Variants in PCDHGA7 observed in about 807,000 individuals in gnomAD.
The protein encoded by PCDHGA7 is protocadherin gamma-A7.
In PCDHGA7, 44 loss-of-function variants were observed where a neutral mutation model predicts 58.3. The ratio of observed to expected loss-of-function variants is 0.75; its 90% CI spans 0.59 to 0.97. The LOEUF is 0.97. PCDHGA7 is among the 50% of genes least tolerant of loss of function. The probability of loss-of-function intolerance (pLI) is 0.00; values close to 1 mark genes in which losing one functional copy is unlikely to be tolerated. For missense variants in PCDHGA7, 1,266 were observed against 1,188.7 expected, an observed-to-expected ratio of 1.06 and a Z score of -0.96; for synonymous variants, 516 against 504.2, an observed-to-expected ratio of 1.02 and a Z score of -0.31.
rs143530538 is a variant in PCDHGA7 at position 141,490,323 on chromosome 5, G to A, written c.2425-4484G>A. 18 of 1,614,102 alleles carry A rather than the reference G, an allele frequency of 1.1e-5. No individual in the cohort carries two copies. Among genetic ancestry groups the A allele is most frequent in the Non-Finnish European group, 1.4e-5 (17 of 1,180,056 alleles). ...CCTCTTTGGCCAACCCTGTCCTAGA[G>A]AGCACACCAGTGGGCACAGTAGTGG... On this transcript the variant is annotated intron_variant, in intron 1 of 3. Transcript: ENST00000518325. This position sits in a 1 kb window ranked among gnomAD's most constrained non-coding sequence, Gnocchi z 5.4.
Position 141,394,139 on chromosome 5 carries a change from G to A in PCDHGA7, c.2424+8816G>A, listed in dbSNP as rs780148099. 1.7e-5 allele frequency: 27 copies of A among 1,613,788 alleles called. No individual in the cohort carries two copies. The African/African-American group carries it at 3.5e-4, about 21-fold the overall frequency. On this transcript the variant is annotated intron_variant, in intron 1 of 3. Coordinates refer to ENST00000518325, the MANE Select transcript of PCDHGA7 (RefSeq NM_018920.4). ...CTGAAACTCAAATCGCTCTGCACGTGGCAGACATTAACGACAACCCTCCTA... is the reference window on the plus strand; with the variant it reads ...CTGAAACTCAAATCGCTCTGCACGTAGCAGACATTAACGACAACCCTCCTA...
intron 3 of PCDHGA7, 87 bp from the exon 4 acceptor site, chr5:141,510,854 TGTATAG>T: frequency 6.2e-7 from 1 of 1,602,320 alleles, no homozygotes; most frequent in Non-Finnish European, 8.5e-7. Flanking sequence ...CCCAGGGTGC[TGTATAG>T]GCATTCATTA....
chr5:141,387,763 A>T, intron 1 of PCDHGA7: 2 of 1,425,584 alleles, frequency 1.4e-6, no homozygotes, highest in South Asian at 1.5e-5. Context: ...GAAAAAGAAG[A>T]ATTTTTTCTT....
chr5:141,413,198 C>G, intron 1 of PCDHGA7: 1 of 1,611,416 alleles, frequency 6.2e-7, no homozygotes, highest in Non-Finnish European at 8.5e-7. Context: ...AGGAATCGCT[C>G]AAAGGAATCA....
rs755270981 is a variant in PCDHGA7, at chr5:141,408,462, AGAACC to A, written c.2424+23143_2424+23147del. On this transcript the variant is annotated intron_variant, in intron 1 of 3. Coordinates refer to ENST00000518325, the MANE Select transcript of PCDHGA7 (RefSeq NM_018920.4). Reference sequence around the variant, plus strand: ...GCGGAGAGCGGGGACTTACTTGTGAAGAACCGAATAGACCGTGAGCAAATATGCAA... The same window carrying A: ...GCGGAGAGCGGGGACTTACTTGTGAAGAATAGACCGTGAGCAAATATGCAA... 2.2e-5 allele frequency: 35 copies of A among 1,613,962 alleles called. No homozygotes were observed. The South Asian group carries it at 3.3e-4, about 15-fold the overall frequency.
chr5:141,502,028 G>A (rs561260963), intron 2 of PCDHGA7, among the ~76,000 whole-genome samples: 62 of 152,150 alleles, frequency 4.1e-4, no homozygotes, highest in African/African-American at 1.5e-3. Flanking sequence ...TGCAACCCCC[G>A]CCGCTTGCCT....
rs1561601309 is a variant in PCDHGA7 at position 141,384,261 on chromosome 5, C to G, written c.1362C>G (p.His454Gln). ...DTNDNPPTFPHSSYSVYIAEN... is the reference protein window; with the variant it reads ...DTNDNPPTFPQSSYSVYIAEN... ...ACGATAACCCACCCACCTTCCCCCA[C>G]TCATCCTACTCAGTCTACATCGCTG... The change falls in exon 1 of 4, where the codon CAC (histidine) becomes CAG (glutamine). Residue 454 changes from histidine (H) to glutamine (Q), a missense_variant. Coordinates refer to ENST00000518325, the MANE Select transcript of PCDHGA7 (RefSeq NM_018920.4). 6.2e-7 allele frequency: 1 copy of G among 1,613,910 alleles called. No homozygotes were observed. Among genetic ancestry groups the G allele is most frequent in the East Asian group, 2.2e-5 (1 of 44,882 alleles).
At chr5:141,457,111 G>T (rs922281700) in intron 1 of PCDHGA7, among the ~76,000 whole-genome samples, 1 of 152,120 alleles carries the variant, frequency 6.6e-6, no homozygotes, top group African/African-American at 2.4e-5. Context: ...AGCAAAATAC[G>T]ACAGCAATGG....
intron 1 of PCDHGA7, chr5:141,393,008 T>C: frequency 1.2e-6 from 2 of 1,613,876 alleles, no homozygotes. Flanking sequence ...ACGGAGTCCG[T>C]ATCGTCTCCA....
intron 2 of PCDHGA7, among the ~76,000 whole-genome samples, chr5:141,499,010 AAGG>A (rs2099788390): frequency 6.6e-6 from 1 of 151,098 alleles, no homozygotes; most frequent in Non-Finnish European, 1.5e-5. Context: ...GGAAGGAAGG[AAGG>A]AAGGAAGGAA....
Position 141,414,954 on chromosome 5 carries a change from C to T in PCDHGA7, c.2424+29631C>T, listed in dbSNP as rs759955017. ...CCGCAGAGCCCGGCTACCTGGTGAC[C>T]AAGGTGGTGGCGGTGGACAGAGACT... On this transcript the variant is annotated intron_variant, in intron 1 of 3. Coordinates refer to ENST00000518325, the MANE Select transcript of PCDHGA7 (RefSeq NM_018920.4). 10 of 1,614,058 alleles carry T rather than the reference C, an allele frequency of 6.2e-6. No individual in the cohort carries two copies. The Admixed American group carries it at 1.7e-4, about 27-fold the overall frequency.
At chr5:141,462,651 CA>C (rs60282352) in intron 1 of PCDHGA7, among the ~76,000 whole-genome samples, 42,411 of 152,004 alleles carry the variant, frequency 0.28, 6,634 homozygotes, top group African/African-American at 0.43. Flanking sequence ...TTTCCATCCT[CA>C]ATTATCTTCA....
Position 141,432,593 on chromosome 5 carries a change from A to G in PCDHGA7, c.2424+47270A>G, listed in dbSNP as rs2097518945. ...GCTGTCCTACCGTCTGCTCAAGGCC[A>G]GCGAGCCGGGACTCTTCTCGGTGGG... On this transcript the variant is annotated intron_variant, in intron 1 of 3. Transcript: ENST00000518325. The surrounding 1 kb of genome is among the most constrained non-coding windows in gnomAD (Gnocchi z 6.0). 6.2e-7 allele frequency: 1 copy of G among 1,612,958 alleles called. No individual in the cohort carries two copies. Among genetic ancestry groups the G allele is most frequent in the Non-Finnish European group, 8.5e-7 (1 of 1,179,834 alleles).
chr5:141,410,730 C>CT (rs1191642079), intron 1 of PCDHGA7: 2 of 1,347,822 alleles, frequency 1.5e-6, no homozygotes, highest in Admixed American at 2.5e-5. Context: ...AAATCCATAG[C>CT]TTTTTACAAT....
At chr5:141,457,071 C>T in intron 1 of PCDHGA7, among the ~76,000 whole-genome samples, 1 of 152,188 alleles carries the variant, frequency 6.6e-6, no homozygotes, top group Non-Finnish European at 1.5e-5. Context: ...TTGCCAGTAA[C>T]TATTATCCCT....
intron 1 of PCDHGA7, chr5:141,478,160 GC>G (rs764598056): frequency 1.9e-6 from 3 of 1,613,964 alleles, no homozygotes; most frequent in Non-Finnish European, 2.5e-6. Flanking sequence ...CTCTGGCTCT[GC>G]CCCCCGGGAG....
intron 1 of PCDHGA7, chr5:141,410,127 T>A (rs761667108): frequency 3.7e-6 from 6 of 1,612,926 alleles, no homozygotes; most frequent in Non-Finnish European, 5.1e-6. Context: ...CGCCAGCGCC[T>A]GCTGGTCGCT....
In PCDHGA7 at chr5:141,383,458, G is replaced by A; in HGVS notation, c.559G>A (p.Asp187Asn). 6.2e-7 allele frequency: 1 copy of A among 1,613,878 alleles called. No homozygotes were observed. Among genetic ancestry groups the A allele is most frequent in the African/African-American group, 1.3e-5 (1 of 75,058 alleles). The change falls in exon 1 of 4, where the codon GAT becomes AAT. Residue 187 changes from aspartate (D) to asparagine (N), a missense_variant. Asp to Asn is a conservative substitution (Grantham distance 23). Coordinates refer to ENST00000518325, the MANE Select transcript of PCDHGA7 (RefSeq NM_018920.4). ...HFSLAVQSGD[D>N]ETKYPELVLE... ...CTCCCTGGCTGTGCAAAGTGGAGAC[G>A]ATGAAACTAAGTACCCGGAACTGGT...
chr5:141,382,940 T>A lies in PCDHGA7; in HGVS notation c.41T>A (p.Phe14Tyr). Residue 14 changes from phenylalanine (F) to tyrosine (Y), a missense_variant, in exon 1 of 4, where the codon TTC becomes TAC. Transcript: ENST00000518325. The stretch of plus-strand genomic sequence containing the variant: ...AGGGGCGGGGACTACAGAGGATTCT[T>A]CCTGCTCTCCATCCTCCTGGGGACC... ...QPRGGDYRGF[F>Y]LLSILLGTPW... 1 of 1,595,270 alleles carries A rather than the reference T, an allele frequency of 6.3e-7. No individual in the cohort carries two copies. The highest frequency in any genetic ancestry group is 8.6e-7 in the Non-Finnish European group (1 of 1,168,750).
Sources: gnomAD v4.1 joint callset for allele counts (sites outside exome capture counted in the v4.1 genomes callset) on GRCh38, gnomAD v4.1.1 for gene constraint, Gnocchi (gnomAD v3.1) non-coding constraint, MANE v1.5 for transcripts, NCBI Gene and HGNC (gene_info 2026-07-23, HGNC 2026-07-21) for gene names.